Variants in PAH observed in about 807,000 individuals in gnomAD.
PAH encodes phenylalanine-4-hydroxylase.
A neutral mutation model predicts 62.0 loss-of-function variants in PAH; 64 were observed. The observed-to-expected ratio is 1.03, with a 90% CI of 0.84 to 1.27. The LOEUF is 1.27. Among genes scored for constraint, PAH ranks in the 50% most tolerant of loss-of-function variants. The pLI is 0.00. For missense variants in PAH, 579 were observed against 542.8 expected (o/e 1.07, Z -0.66); for synonymous variants, 195 against 196.2 (o/e 0.99, Z 0.05).
Position 102,852,963 on chromosome 12 carries a change from GAAGA to G in PAH, c.707-17_707-14del. On this transcript the variant is annotated splice_polypyrimidine_tract_variant and intron_variant, in intron 6 of 12. Coordinates refer to ENST00000553106, the MANE Select transcript of PAH (RefSeq NM_000277.3). ...AAACCAGTGCAAGCTGGGATGAAAA[GAAGA>G]AAGAAAACTCAAAGCTCATCACCAC... 1 of 1,613,850 alleles carries G rather than the reference GAAGA, an allele frequency of 6.2e-7. No individual in the cohort carries two copies. The highest frequency in any genetic ancestry group is 1.1e-5 in the South Asian group (1 of 91,040).
At chr12:102,895,004 C>A in intron 2 of PAH, 86 bp from the exon 3 acceptor site, 1 of 1,002,408 alleles carries the variant, frequency 1.0e-6, no homozygotes, top group South Asian at 1.3e-5. Context: ...GAAAACCTAA[C>A]GCAACAAAAT....
At chr12:102,956,067 G>A (rs1879902251) in intron 1 of PAH, among the ~76,000 whole-genome samples, 1 of 152,140 alleles carries the variant, frequency 6.6e-6, no homozygotes, top group Admixed American at 6.5e-5. Context: ...AGCTCCCTGG[G>A]TCATCCCCTT....
At chr12:102,881,990 C>T (rs1164146923) in intron 3 of PAH, among the ~76,000 whole-genome samples, 1 of 152,148 alleles carries the variant, frequency 6.6e-6, no homozygotes, top group African/African-American at 2.4e-5. Flanking sequence ...CATGAGATTT[C>T]TGGAAAGTAT....
chr12:102,844,905 C>T (rs1419239348), intron 9 of PAH, among the ~76,000 whole-genome samples: 1 of 152,144 alleles, frequency 6.6e-6, no homozygotes, highest in East Asian at 1.9e-4. Context: ...TCAGGTTCTC[C>T]AGCTTGCAGG....
rs1290573797 is a variant in PAH at position 102,909,476 on chromosome 12, A to T, written c.168+3315T>A. Among the ~76,000 whole-genome samples, 3 of 152,028 alleles carry T rather than the reference A, an allele frequency of 2.0e-5. No homozygotes were observed. The East Asian group carries it at 5.8e-4, about 29-fold the overall frequency. ...AATGTTGATTTTGGTCACATGGCTG[A>T]GGTGTCTTTGTCATATTTCTCCACT... On this transcript the variant is annotated intron_variant, in intron 2 of 12. Transcript: ENST00000553106.
rs769705809 is a variant in PAH, at chr12:102,894,843, G to T, written c.244C>A (p.His82Asn). Reference sequence around the variant, plus strand: ...GCAGGCAGGCTACGTTTATCCAAATGGGTGAAAAATTCATACTCATCTTTC... The same window carrying T: ...GCAGGCAGGCTACGTTTATCCAAATTGGTGAAAAATTCATACTCATCTTTC... Reference protein sequence around the residue: ...LKKDEYEFFTHLDKRSLPALT... With the variant: ...LKKDEYEFFTNLDKRSLPALT... Residue 82 changes from histidine to asparagine, a missense_variant, in exon 3 of 13, where the codon CAT becomes AAT. Transcript: ENST00000553106. 6.2e-7 allele frequency: 1 copy of T among 1,613,528 alleles called. No homozygotes were observed. The highest frequency in any genetic ancestry group is 8.5e-7 in the Non-Finnish European group (1 of 1,179,580).
chr12:102,889,368 T>A (rs182176617), intron 3 of PAH, among the ~76,000 whole-genome samples: 3 of 152,266 alleles, frequency 2.0e-5, no homozygotes, highest in Admixed American at 6.5e-5. Context: ...GTTGCTTTTG[T>A]CTTCTCACAG....
upstream of PAH, chr12:102,958,395 C>CAGA (rs1005328234): frequency 2.1e-5 from 15 of 706,344 alleles, no homozygotes; most frequent in Non-Finnish European, 2.9e-5. Context: ...GCAGAGCGCG[C>CAGA]AGCAGCAGCA....
intron 1 of PAH, among the ~76,000 whole-genome samples, chr12:102,936,881 CCACTCAAATCTCATCTTGAATT>C (rs1879119495): frequency 6.6e-6 from 1 of 152,080 alleles, no homozygotes; most frequent in South Asian, 2.1e-4. Context: ...GGCTGAGTCC[CCACTCAAATCTCATCTTGAATT>C]GTAGTTCTCA....
At chr12:102,893,260 C>T (rs1369982689) in intron 3 of PAH, among the ~76,000 whole-genome samples, 2 of 152,018 alleles carry the variant, frequency 1.3e-5, no homozygotes, top group Non-Finnish European at 2.9e-5. Flanking sequence ...ATTAGCCAGG[C>T]GTGGTGGGGC....
chr12:102,939,001 G>A (rs1369881502), intron 1 of PAH, among the ~76,000 whole-genome samples: 2 of 151,820 alleles, frequency 1.3e-5, no homozygotes, highest in African/African-American at 4.8e-5. Context: ...CTGCTCTTGG[G>A]TTGGGGAACG....
At chr12:102,937,012 G>T (rs550959459) in intron 1 of PAH, among the ~76,000 whole-genome samples, 3 of 152,178 alleles carry the variant, frequency 2.0e-5, no homozygotes, top group African/African-American at 4.8e-5. Flanking sequence ...GTTCTCAGGA[G>T]ATCTGATGAT....
intron 11 of PAH, among the ~76,000 whole-genome samples, chr12:102,841,599 A>G (rs145280634): frequency 5.6e-4 from 86 of 152,304 alleles, no homozygotes; most frequent in Admixed American, 2.1e-3. Flanking sequence ...TAAGTGCCCT[A>G]TGAGTGTTAG....
At position 102,912,388 on chromosome 12, in the gene PAH, G is replaced by T. The variant is rs1398326126; in HGVS notation, c.168+403C>A. 3.9e-5 allele frequency among the ~76,000 whole-genome samples: 6 copies of T among 151,974 alleles called. No homozygotes were observed. The East Asian group carries it at 5.8e-4, about 15-fold the overall frequency. ...ATCAATATTAATTTAGTGAATAAAAGAATTAATATTTATTTCTTGTTTACT... is the reference window on the plus strand; with the variant it reads ...ATCAATATTAATTTAGTGAATAAAATAATTAATATTTATTTCTTGTTTACT... On this transcript the variant is annotated intron_variant, in intron 2 of 12. Transcript: ENST00000553106.
chr12:102,864,984 A>G (rs575010530), intron 5 of PAH, among the ~76,000 whole-genome samples: 16 of 152,322 alleles, frequency 1.1e-4, no homozygotes, highest in African/African-American at 3.8e-4. Flanking sequence ...GACCTTCGGC[A>G]CATCAGTTAG....
intron 6 of PAH, chr12:102,854,922 GT>G: frequency 3.2e-6 from 2 of 629,016 alleles, no homozygotes; most frequent in Non-Finnish European, 2.9e-6. Flanking sequence ...AGCCTCAGGT[GT>G]TTGATTGAAT....
intron 1 of PAH, among the ~76,000 whole-genome samples, chr12:102,941,946 A>G (rs111265659): frequency 0.058 from 8,857 of 152,256 alleles, 555 homozygotes; most frequent in African/African-American, 0.15. Context: ...AATAAGAGCC[A>G]TCTATGATGA....
At chr12:102,847,382 T>C (rs979703834) in intron 8 of PAH, 1 of 243,624 alleles carries the variant, frequency 4.1e-6, no homozygotes, top group African/African-American at 2.2e-5. Flanking sequence ...TCCAGGCATA[T>C]ATATAGCTGG....
chr12:102,939,603 T>A (rs1054743733), intron 1 of PAH, among the ~76,000 whole-genome samples: 1 of 151,432 alleles, frequency 6.6e-6, no homozygotes, highest in African/African-American at 2.4e-5. Context: ...TCATGCAGCT[T>A]CCATACAGAC....
Sources: allele counts gnomAD v4.1 joint callset (sites outside exome capture counted in the v4.1 genomes callset), GRCh38; gene constraint gnomAD v4.1.1; transcripts MANE v1.5; gene names NCBI Gene and HGNC (gene_info 2026-07-23, HGNC 2026-07-21).